SEMA3D: variants seen among roughly 807,000 people sequenced by gnomAD.
SEMA3D encodes semaphorin 3D, also known as semaphorin-3D.
SEMA3D carries 84 observed loss-of-function variants against 100.1 expected under a neutral mutation model. That is an observed-to-expected ratio of 0.84 (90% CI 0.70 to 1.01). The LOEUF (loss-of-function observed/expected upper bound fraction) is 1.01. Among genes scored for constraint, SEMA3D ranks in the 50% least tolerant of loss-of-function variants. SEMA3D has a pLI of 0.00. For missense variants in SEMA3D, 875 were observed against 934.1 expected, an observed-to-expected ratio of 0.94 and a Z score of 0.82; for synonymous variants, 312 against 320.7, an observed-to-expected ratio of 0.97 and a Z score of 0.29.
chr7:85,136,690 G>A (rs1405557045), intron 2 of SEMA3D, among the ~76,000 whole-genome samples: 2 of 152,136 alleles, frequency 1.3e-5, no homozygotes, highest in African/African-American at 4.8e-5. Flanking sequence ...AATATAATGT[G>A]TATCAACTGG....
chr7:85,192,990 AG>A, the SEMA3D span, among the ~76,000 whole-genome samples: 1 of 152,202 alleles, frequency 6.6e-6, no homozygotes, highest in African/African-American at 2.4e-5. Flanking sequence ...TAATTACAAA[AG>A]ATGATAACAT....
chr7:85,080,102 A>G (rs915218473), intron 5 of SEMA3D, among the ~76,000 whole-genome samples: 1 of 152,214 alleles, frequency 6.6e-6, no homozygotes, highest in African/African-American at 2.4e-5. Flanking sequence ...TGAAAGGATG[A>G]CATTTAATTA....
intron 1 of SEMA3D, among the ~76,000 whole-genome samples, chr7:85,162,356 A>G (rs1259527531): frequency 6.6e-6 from 1 of 152,172 alleles, no homozygotes; most frequent in Non-Finnish European, 1.5e-5. Flanking sequence ...CCACACCCTT[A>G]TCATAAGTTT....
intron 2 of SEMA3D, among the ~76,000 whole-genome samples, chr7:85,123,699 C>T (rs1050169247): frequency 3.3e-5 from 5 of 152,014 alleles, no homozygotes; most frequent in Non-Finnish European, 7.4e-5. Flanking sequence ...GTTGTTTCAT[C>T]AATCATTACA....
chr7:85,033,206 A>G (rs1437569879), intron 12 of SEMA3D, among the ~76,000 whole-genome samples: 1 of 152,170 alleles, frequency 6.6e-6, no homozygotes, highest in Non-Finnish European at 1.5e-5. Flanking sequence ...CTTACAGCAT[A>G]AAGACTATAT....
chr7:85,127,392 C>A (rs1163648309), intron 2 of SEMA3D, among the ~76,000 whole-genome samples: 2 of 152,028 alleles, frequency 1.3e-5, no homozygotes, highest in Admixed American at 6.6e-5. Flanking sequence ...GGTTTGCATG[C>A]CTTATAGCCA....
At chr7:85,181,648 G>T in intron 1 of SEMA3D, 1 of 217,082 alleles carries the variant, frequency 4.6e-6, no homozygotes, top group Non-Finnish European at 7.8e-6. Flanking sequence ...TACTCCTGAA[G>T]TGTGGGCTAA....
At chr7:85,168,820 TGAAAGAAAGAAAGAAAGAAAGAAA>T (rs59563448) in intron 1 of SEMA3D, among the ~76,000 whole-genome samples, 23,312 of 121,000 alleles carry the variant, frequency 0.19, 2,222 homozygotes, top group Middle Eastern at 0.28. Context: ...GAAAGAAAGA[TGAAAGAAAGAAAGAAAGAAAGAAA>T]GAAAGAAAGA....
intron 11 of SEMA3D, 102 bp from the exon 12 acceptor site, chr7:85,037,135 G>C: frequency 8.6e-7 from 1 of 1,159,650 alleles, no homozygotes; most frequent in Non-Finnish European, 1.2e-6. Context: ...AATTTACTTA[G>C]CACATTAAAT....
At chr7:85,213,594 G>C in the SEMA3D span, among the ~76,000 whole-genome samples, 2 of 151,938 alleles carry the variant, frequency 1.3e-5, no homozygotes, top group Non-Finnish European at 2.9e-5. Flanking sequence ...TGGTTGTCAT[G>C]CATCTGCCAG....
the SEMA3D span, among the ~76,000 whole-genome samples, chr7:85,249,970 C>T: frequency 1.3e-5 from 2 of 152,090 alleles, no homozygotes; most frequent in Non-Finnish European, 2.9e-5. Flanking sequence ...GTTCATCTCA[C>T]TAGGAAGTGC....
chr7:85,025,934 G>C (rs1330129614), intron 12 of SEMA3D, among the ~76,000 whole-genome samples: 1 of 151,962 alleles, frequency 6.6e-6, no homozygotes, highest in Non-Finnish European at 1.5e-5. Context: ...GCCAGAAAAA[G>C]CAAAACACTA....
At chr7:85,025,496 G>A (rs1018710685) in intron 12 of SEMA3D, among the ~76,000 whole-genome samples, 10 of 151,926 alleles carry the variant, frequency 6.6e-5, no homozygotes, top group African/African-American at 2.2e-4. Flanking sequence ...GGGAAGCAAT[G>A]GATAAGAGGA....
chr7:85,035,770 A>T (rs753434917), intron 12 of SEMA3D, among the ~76,000 whole-genome samples: 51 of 152,142 alleles, frequency 3.4e-4, no homozygotes, highest in Non-Finnish European at 6.0e-4. Flanking sequence ...AGAGAAAATT[A>T]AAAAAATGAG....
chr7:85,028,263 G>T, intron 12 of SEMA3D: 1 of 697,528 alleles, frequency 1.4e-6, no homozygotes, highest in Non-Finnish European at 2.6e-6. Flanking sequence ...TGGTCACAGT[G>T]CCAGCTTACT....
chr7:85,070,519 G>C (rs1263666903), intron 6 of SEMA3D, among the ~76,000 whole-genome samples: 1 of 152,112 alleles, frequency 6.6e-6, no homozygotes, highest in East Asian at 1.9e-4. Flanking sequence ...TTTGAAAATG[G>C]AAGGTCCTTC....
chr7:85,156,969 CA>C (rs1278620043), intron 1 of SEMA3D, among the ~76,000 whole-genome samples: 1 of 152,096 alleles, frequency 6.6e-6, no homozygotes, highest in Non-Finnish European at 1.5e-5. Flanking sequence ...CTACAGTGCC[CA>C]AATGGAAGTG....
the SEMA3D span, among the ~76,000 whole-genome samples, chr7:85,214,643 C>T: frequency 5.7e-4 from 86 of 152,062 alleles, 2 homozygotes; most frequent in South Asian, 5.8e-3. Context: ...ATTATAGGCA[C>T]GTGACACCAC....
At position 85,174,558 on chromosome 7, in the gene SEMA3D, T is replaced by C. The variant is rs117153459; in HGVS notation, c.-173+12120A>G. On this transcript the variant is annotated intron_variant, in intron 1 of 18. Coordinates refer to ENST00000284136, the MANE Select transcript of SEMA3D (RefSeq NM_001384900.1). ...TTGTGCAAGACTTGGCAATATGCTA[T>C]AAGAATATGGAAAAAAGATACCTAG... Among the ~76,000 whole-genome samples the C allele has an allele frequency of 7.2e-3, 1,102 of 152,208 alleles. 5 individuals carry two copies. The highest frequency in any genetic ancestry group is 0.014 in the Middle Eastern group (4 of 294).
Sources: gnomAD v4.1 joint callset for allele counts (sites outside exome capture counted in the v4.1 genomes callset) on GRCh38, gnomAD v4.1.1 for gene constraint, MANE v1.5 for transcripts, NCBI Gene and HGNC (gene_info 2026-07-23, HGNC 2026-07-21) for gene names.